NDRG1: variants seen among roughly 807,000 people sequenced by gnomAD.
The protein encoded by NDRG1 is protein NDRG1.
Under a neutral mutation model 56.9 loss-of-function variants are expected in NDRG1, and 32 were observed. The ratio of observed to expected loss-of-function variants is 0.56; its 90% CI spans 0.42 to 0.76. The LOEUF is 0.76. Among genes scored for constraint, NDRG1 ranks in the 30% least tolerant of loss-of-function variants. The pLI is 0.00. For synonymous variants in NDRG1, 211 were observed against 204.1 expected (o/e 1.03, Z -0.29); for missense variants, 507 against 545.7 (o/e 0.93, Z 0.71).
intron 3 of NDRG1, among the ~76,000 whole-genome samples, chr8:133,272,360 G>A (rs1027702089): frequency 1.4e-4 from 22 of 152,236 alleles, no homozygotes; most frequent in African/African-American, 4.8e-4. Flanking sequence ...AAAGACCTGT[G>A]AGCTGAGCCC....
In NDRG1 at chr8:133,238,331, C is replaced by G. The variant is rs540429012; in HGVS notation, c.*547G>C. The G allele has an allele frequency of 1.3e-5, 3 of 234,530 alleles. No homozygotes were observed. The East Asian group carries it at 1.8e-4, about 14-fold the overall frequency. The allele number at this position is 234,530 out of a possible 1,614,324, so 14.5% of individuals were successfully genotyped here. A position where few individuals can be genotyped will look rare whatever the true frequency, so the allele number is the denominator to read the frequency against. ...ATTTGTTGTTCCAAATGCCTCTAGC[C>G]TCGACATGAATCCCACCTTTTCCCC... On this transcript the variant is annotated 3_prime_UTR_variant, in exon 16 of 16. Transcript: ENST00000323851.
Position 133,262,120 on chromosome 8 carries a change from T to TC in NDRG1, c.252dup (p.Ile85AspfsTer36). 1 of 1,613,998 alleles carries TC rather than the reference T, an allele frequency of 6.2e-7. No individual in the cohort carries two copies. Among genetic ancestry groups the TC allele is most frequent in the African/African-American group, 1.3e-5 (1 of 74,988 alleles). On this transcript the variant is annotated frameshift_variant, in exon 5 of 16. Coordinates refer to ENST00000323851, the MANE Select transcript of NDRG1 (RefSeq NM_006096.4). LOFTEE classifies it high-confidence loss of function. ...TGGCAGACGGCAAAGTGCTGGGTGA[T>TC]CTCCTGCATGTCCTCGTAGTTGAAG...
intron 3 of NDRG1, among the ~76,000 whole-genome samples, chr8:133,277,635 A>AT (rs533204285): frequency 5.9e-5 from 9 of 152,222 alleles, no homozygotes; most frequent in Non-Finnish European, 1.0e-4. Flanking sequence ...AGGAATATGA[A>AT]TGTACTTAAT....
chr8:133,248,838 A>G, intron 10 of NDRG1, 67 bp from the exon 11 acceptor site: 1 of 1,586,388 alleles, frequency 6.3e-7, no homozygotes, highest in Non-Finnish European at 8.6e-7. Flanking sequence ...ACTCCCATCC[A>G]GCCAAGCCCA....
chr8:133,249,957 G>A (rs1049267634), intron 10 of NDRG1, among the ~76,000 whole-genome samples: 1 of 152,082 alleles, frequency 6.6e-6, no homozygotes, highest in Admixed American at 6.5e-5. Flanking sequence ...CCCTAGCTGA[G>A]CTCCAGATAA....
chr8:133,264,839 G>C (rs965158665), intron 3 of NDRG1, 187 bp from the exon 4 acceptor site: 13 of 643,060 alleles, frequency 2.0e-5, no homozygotes, highest in Non-Finnish European at 3.7e-5. Context: ...GCTAGGAGGG[G>C]ACTCCCAGGA....
At chr8:133,255,700 G>T (rs1014679337) in intron 8 of NDRG1, 4 of 273,562 alleles carry the variant, frequency 1.5e-5, no homozygotes, top group African/African-American at 6.7e-5. Flanking sequence ...AATCACAGTG[G>T]CTGGTACAGG....
At chr8:133,253,353 T>C (rs1200461001) in intron 9 of NDRG1, among the ~76,000 whole-genome samples, 12 of 152,176 alleles carry the variant, frequency 7.9e-5, no homozygotes, top group Admixed American at 7.8e-4. Context: ...TGAAGCCAGA[T>C]TCATAGGTTC....
intron 10 of NDRG1, 46 bp from the exon 11 acceptor site, chr8:133,248,817 A>G (rs921360584): frequency 3.1e-6 from 5 of 1,611,344 alleles, no homozygotes; most frequent in African/African-American, 1.3e-5. Flanking sequence ...CCTCCCCTGG[A>G]GAAATCTCCC....
At chr8:133,243,984 A>G (rs1377930143) in intron 14 of NDRG1, among the ~76,000 whole-genome samples, 1 of 152,168 alleles carries the variant, frequency 6.6e-6, no homozygotes, top group East Asian at 1.9e-4. Flanking sequence ...AGAAACATGC[A>G]TGCACACACA....
At chr8:133,255,534 G>T (rs973350713) in intron 8 of NDRG1, 1 of 354,576 alleles carries the variant, frequency 2.8e-6, no homozygotes, top group Non-Finnish European at 5.7e-6. Context: ...TCTCACTCAG[G>T]ACAGCTATCA....
Position 133,269,395 on chromosome 8 carries a change from A to C in NDRG1, c.100-4743T>G, listed in dbSNP as rs1331352513. The stretch of plus-strand genomic sequence containing the variant: ...CACACTTTCCTCTCACCTGCTCTGG[A>C]AGAGTCTAGAAAGCTGCTCTTTCAA... On this transcript the variant is annotated intron_variant, in intron 3 of 15. Transcript: ENST00000323851. Among the ~76,000 whole-genome samples the C allele has an allele frequency of 5.3e-5, 8 of 152,352 alleles. No homozygotes were observed. The South Asian group carries it at 1.7e-3, about 32-fold the overall frequency.
At chr8:133,245,987 G>A (rs1044063083) in intron 13 of NDRG1, among the ~76,000 whole-genome samples, 4 of 152,228 alleles carry the variant, frequency 2.6e-5, no homozygotes, top group Admixed American at 1.3e-4. Flanking sequence ...CCTTCCCCCA[G>A]TGCGAGGGAG....
rs761789107 is a variant in NDRG1 at position 133,266,004 on chromosome 8, G to C, written c.100-1352C>G. Among the ~76,000 whole-genome samples the C allele has an allele frequency of 1.8e-4, 28 of 152,278 alleles. 1 individual carries two copies. Among genetic ancestry groups the C allele is most frequent in the Non-Finnish European group, 3.4e-4 (23 of 68,052 alleles). ...CCCACAGGGCAGTTGGGGAGCAGGA[G>C]GCAAGGCCATCAGGCTGCTGAGACC... On this transcript the variant is annotated intron_variant, in intron 3 of 15. Transcript: ENST00000323851.
chr8:133,281,662 G>T (rs902719078), intron 2 of NDRG1, among the ~76,000 whole-genome samples: 3 of 152,168 alleles, frequency 2.0e-5, no homozygotes, highest in Admixed American at 1.3e-4. Context: ...AGCGATGAGG[G>T]GAACAGGATG....
chr8:133,280,413 C>T, intron 2 of NDRG1, 146 bp from the exon 3 acceptor site: 2 of 683,296 alleles, frequency 2.9e-6, no homozygotes, highest in South Asian at 1.7e-5. Context: ...CAAAGGCAGG[C>T]TTTCCTTTTC....
intron 11 of NDRG1, among the ~76,000 whole-genome samples, 164 bp from the exon 12 acceptor site, chr8:133,248,090 T>C (rs533537248): frequency 5.9e-4 from 90 of 152,334 alleles, no homozygotes; most frequent in African/African-American, 1.6e-3. Flanking sequence ...TAGGATAACA[T>C]TGGTTACTAG....
chr8:133,248,597 A>AT, intron 11 of NDRG1, 118 bp downstream of exon 11: 1 of 1,206,298 alleles, frequency 8.3e-7, no homozygotes, highest in Non-Finnish European at 1.2e-6. Flanking sequence ...GGTGGAATAT[A>AT]TCCAGGTCTC....
chr8:133,257,929 T>C (rs971104557), intron 7 of NDRG1, among the ~76,000 whole-genome samples: 6 of 152,260 alleles, frequency 3.9e-5, no homozygotes, highest in African/African-American at 1.2e-4. Context: ...TCGGTGAGGA[T>C]ACAAAGGAAC....
Sources: gnomAD v4.1 joint callset for allele counts (sites outside exome capture counted in the v4.1 genomes callset) on GRCh38, gnomAD v4.1.1 for gene constraint, MANE v1.5 for transcripts, NCBI Gene and HGNC (gene_info 2026-07-23, HGNC 2026-07-21) for gene names.